Variants in NYNRIN observed in about 807,000 individuals in gnomAD.
The protein encoded by NYNRIN is protein NYNRIN.
In NYNRIN, 86 loss-of-function variants were observed where a neutral mutation model predicts 146.6. The observed-to-expected ratio is 0.59, with a 90% CI of 0.49 to 0.70. The LOEUF (loss-of-function observed/expected upper bound fraction) is 0.70. NYNRIN is among the 30% of genes least tolerant of loss of function. The pLI is 0.00. For synonymous variants in NYNRIN, 1,027 were observed against 1,001.3 expected (o/e 1.03, Z -0.48); for missense variants, 2,191 against 2,377.7 (o/e 0.92, Z 1.63).
intron 2 of NYNRIN, among the ~76,000 whole-genome samples, chr14:24,401,999 G>C (rs114976543): frequency 0.017 from 2,556 of 152,288 alleles, 62 homozygotes; most frequent in African/African-American, 0.057. Flanking sequence ...AACAGGCAGA[G>C]AGGACTCTGG....
chr14:24,418,461 T>G lies in NYNRIN; in HGVS notation c.*1015T>G, dbSNP rs1429960897. On this transcript the variant is annotated 3_prime_UTR_variant, in exon 9 of 9. Coordinates refer to ENST00000382554, the MANE Select transcript of NYNRIN (RefSeq NM_025081.3). The stretch of plus-strand genomic sequence containing the variant: ...CAGACCCTACAGATTGTGTGATTGC[T>G]TCATCTGTATCACCCCCCGAGTCCT... 3 of 349,988 alleles carry G rather than the reference T, an allele frequency of 8.6e-6. No homozygotes were observed. Among genetic ancestry groups the G allele is most frequent in the Non-Finnish European group, 1.7e-5 (3 of 177,022 alleles). 21.7% of individuals were successfully genotyped at this position (349,988 alleles called of 1,614,324 possible).
intron 2 of NYNRIN, among the ~76,000 whole-genome samples, chr14:24,407,611 C>T (rs1440358941): frequency 6.6e-6 from 1 of 152,226 alleles, no homozygotes; most frequent in Non-Finnish European, 1.5e-5. Context: ...GTTGGAGCTG[C>T]AACCTGGGTT....
intron 2 of NYNRIN, among the ~76,000 whole-genome samples, chr14:24,405,068 ATG>A (rs1337556198): frequency 0.02 from 2,474 of 123,514 alleles, 65 homozygotes; most frequent in African/African-American, 0.073. Flanking sequence ...ATGTGTGTGA[ATG>A]TGTGTGTGTG....
intron 4 of NYNRIN, among the ~76,000 whole-genome samples, 180 bp from the exon 5 acceptor site, chr14:24,410,896 C>T (rs938141620): frequency 4.6e-5 from 7 of 152,226 alleles, no homozygotes; most frequent in African/African-American, 7.2e-5. Context: ...CGCGCACACA[C>T]ACAGAGTTTC....
Position 24,418,849 on chromosome 14 carries a change from G to T in NYNRIN, c.*1403G>T, listed in dbSNP as rs1441795311. ...TGATTCACCCAAAGTCACACAGCAAGTTCATGGCTGAGCTGAGACCAGGAT... is the reference window on the plus strand; with the variant it reads ...TGATTCACCCAAAGTCACACAGCAATTTCATGGCTGAGCTGAGACCAGGAT... On this transcript the variant is annotated 3_prime_UTR_variant, in exon 9 of 9. Coordinates refer to ENST00000382554, the MANE Select transcript of NYNRIN (RefSeq NM_025081.3). The T allele has an allele frequency of 1.3e-5, 2 of 152,340 alleles. No individual in the cohort carries two copies. The highest frequency in any genetic ancestry group is 2.4e-5 in the African/African-American group (1 of 41,454). 9.4% of individuals were successfully genotyped at this position (152,340 alleles called of 1,614,324 possible).
chr14:24,410,225 G>T lies in NYNRIN; in HGVS notation c.2414+17G>T. The T allele has an allele frequency of 6.4e-7, 1 of 1,557,618 alleles. No homozygotes were observed. ...GGCCATGGTGTGAGTAGTCACGGGC[G>T]TGGGGTGGGCTGGGGATGCTGTGGA... On this transcript the variant is annotated intron_variant, in intron 4 of 8. Coordinates refer to ENST00000382554, the MANE Select transcript of NYNRIN (RefSeq NM_025081.3).
rs1394955245 is a variant in NYNRIN, at chr14:24,416,680, G to C, written c.4931G>C (p.Arg1644Thr). The change falls in exon 9 of 9, where the codon AGG (arginine) becomes ACG (threonine). Residue 1644 changes from arginine to threonine, a missense_variant. Arg to Thr is a moderately conservative substitution (Grantham distance 71). This residue lies in a region of NYNRIN where 1,291 missense variants were observed against 1,417.0 expected (regional missense o/e 0.91). Coordinates refer to ENST00000382554, the MANE Select transcript of NYNRIN (RefSeq NM_025081.3). Reference protein sequence around the residue: ...HVLIVADPNTRWVEAFPLKPY... With the variant: ...HVLIVADPNTTWVEAFPLKPY... ...CTTATTGTGGCTGACCCAAACACCA[G>C]GTGGGTGGAGGCATTCCCCCTGAAG... 2 of 1,613,826 alleles carry C rather than the reference G, an allele frequency of 1.2e-6. No individual in the cohort carries two copies. Among genetic ancestry groups the C allele is most frequent in the Non-Finnish European group, 8.5e-7 (1 of 1,179,876 alleles).
In NYNRIN at chr14:24,410,220, C is replaced by T. The variant is rs1185391559; in HGVS notation, c.2414+12C>T. 22 of 1,476,336 alleles carry T rather than the reference C, an allele frequency of 1.5e-5. No individual in the cohort carries two copies. The Middle Eastern group carries it at 7.2e-4, about 49-fold the overall frequency. 91.5% of individuals were successfully genotyped at this position (1,476,336 alleles called of 1,614,324 possible). A position where few individuals can be genotyped will look rare whatever the true frequency, so the allele number is the denominator to read the frequency against. ...AGTGTGGCCATGGTGTGAGTAGTCA[C>T]GGGCGTGGGGTGGGCTGGGGATGCT... is the stretch of plus-strand genomic sequence containing the variant. On this transcript the variant is annotated intron_variant, in intron 4 of 8. Transcript: ENST00000382554.
Position 24,411,538 on chromosome 14 carries a change from G to C in NYNRIN, c.2642+88G>C. On this transcript the variant is annotated intron_variant, in intron 6 of 8. Coordinates refer to ENST00000382554, the MANE Select transcript of NYNRIN (RefSeq NM_025081.3). This position sits in a 1 kb window ranked among gnomAD's most constrained non-coding sequence, Gnocchi z 4.3. ...GTGGAGTCCGGCCTGTCTTCTCTGG[G>C]GAAATGGAGGCAAACATGTTGGGGG... 1 of 1,124,412 alleles carries C rather than the reference G, an allele frequency of 8.9e-7. No individual in the cohort carries two copies. Among genetic ancestry groups the C allele is most frequent in the Non-Finnish European group, 1.3e-6 (1 of 748,600 alleles). 69.7% of individuals were successfully genotyped at this position (1,124,412 alleles called of 1,614,324 possible).
chr14:24,402,782 A>G (rs911749568), intron 2 of NYNRIN, among the ~76,000 whole-genome samples: 1 of 152,190 alleles, frequency 6.6e-6, no homozygotes, highest in South Asian at 2.1e-4. Context: ...TGGGCACTGA[A>G]TACTTCTTTT....
At chr14:24,399,955 T>C (rs1236906231) in intron 2 of NYNRIN, among the ~76,000 whole-genome samples, 1 of 152,166 alleles carries the variant, frequency 6.6e-6, no homozygotes, top group Non-Finnish European at 1.5e-5. Context: ...GAGATGCTTC[T>C]AGAGTGATAC....
intron 2 of NYNRIN, among the ~76,000 whole-genome samples, chr14:24,406,536 G>T (rs1331641525): frequency 6.6e-6 from 1 of 152,222 alleles, no homozygotes; most frequent in Non-Finnish European, 1.5e-5. Context: ...TTGAAAAGGG[G>T]TTAGACATGT....
rs1393577388 is a variant in NYNRIN at position 24,409,336 on chromosome 14, A to G, written c.1542A>G (p.Pro514=). The G allele has an allele frequency of 2.5e-6, 4 of 1,613,956 alleles. No individual in the cohort carries two copies. Among genetic ancestry groups the G allele is most frequent in the African/African-American group, 1.3e-5 (1 of 74,956 alleles). Residue 514 remains proline (P), a synonymous_variant, in exon 4 of 9, where the codon CCA becomes CCG. Transcript: ENST00000382554. ...DFKGLEEGPA[P]VLPTGQGKPV... ...AGGGACTGGAAGAGGGACCCGCTCC[A>G]GTGCTGCCAACAGGGCAAGGGAAGC...
Position 24,411,235 on chromosome 14 carries a change from C to T in NYNRIN, c.2545+29C>T. ...AGGTGTCCCCTGCCTGCCCAGCCTC[C>T]ACAGTGTCACCAAGCTTTCTTCTCT... is the stretch of plus-strand genomic sequence containing the variant. On this transcript the variant is annotated intron_variant, in intron 5 of 8. Coordinates refer to ENST00000382554, the MANE Select transcript of NYNRIN (RefSeq NM_025081.3). The surrounding 1 kb of genome is among the most constrained non-coding windows in gnomAD (Gnocchi z 4.3). 6.2e-7 allele frequency: 1 copy of T among 1,610,160 alleles called. No homozygotes were observed. The highest frequency in any genetic ancestry group is 1.1e-5 in the South Asian group (1 of 90,820).
In NYNRIN at chr14:24,415,046, C is replaced by T. The variant is rs368112161; in HGVS notation, c.3297C>T (p.Gly1099=). Reference sequence around the variant, plus strand: ...TCACCGCACTCTCCTTCTTCATGGGCTTCATGGACTCCCACAGGGATGCCA... The same window carrying T: ...TCACCGCACTCTCCTTCTTCATGGGTTTCATGGACTCCCACAGGGATGCCA... The part of the protein sequence containing the change: ...SNFTALSFFM[G]FMDSHRDAIP... The change falls in exon 9 of 9, where the codon GGC becomes GGT. Residue 1099 remains glycine (G), a synonymous_variant. Transcript: ENST00000382554. 1.3e-5 allele frequency: 21 copies of T among 1,612,396 alleles called. 1 individual carries two copies. The East Asian group carries it at 2.0e-4, about 15-fold the overall frequency.
chr14:24,401,250 C>T (rs963364440), intron 2 of NYNRIN, among the ~76,000 whole-genome samples: 1 of 152,220 alleles, frequency 6.6e-6, no homozygotes, highest in African/African-American at 2.4e-5. Flanking sequence ...CTAATGGAAT[C>T]AGTGGCTCCC....
At chr14:24,413,905 CTA>C (rs1224143842) in intron 8 of NYNRIN, among the ~76,000 whole-genome samples, 5 of 152,270 alleles carry the variant, frequency 3.3e-5, no homozygotes, top group African/African-American at 9.6e-5. Flanking sequence ...GGATTTTTTT[CTA>C]TGTTTATCGT....
At chr14:24,410,289 T>A in intron 4 of NYNRIN, 81 bp downstream of exon 4, 2 of 1,203,940 alleles carry the variant, frequency 1.7e-6, no homozygotes, top group Non-Finnish European at 1.2e-6. Context: ...AATGTGGGCA[T>A]CCCTTCCCAA....
chr14:24,412,473 T>C (rs1448126440), intron 6 of NYNRIN: 1 of 154,910 alleles, frequency 6.5e-6, no homozygotes, highest in Admixed American at 6.5e-5. Flanking sequence ...AGCGTATATA[T>C]GTCTGTATGT....
Sources: gnomAD v4.1 joint callset for allele counts (sites outside exome capture counted in the v4.1 genomes callset) on GRCh38, gnomAD v4.1.1 for gene constraint, gnomAD v4.1.1 regional missense constraint, Gnocchi (gnomAD v3.1) non-coding constraint, MANE v1.5 for transcripts, NCBI Gene and HGNC (gene_info 2026-07-23, HGNC 2026-07-21) for gene names.